ARL15: variants seen among roughly 807,000 people sequenced by gnomAD.
The protein encoded by ARL15 is ADP-ribosylation factor-like protein 15.
Under a neutral mutation model 25.2 loss-of-function variants are expected in ARL15, and 19 were observed. That is an observed-to-expected ratio of 0.75 (90% confidence interval 0.53 to 1.10). The LOEUF (loss-of-function observed/expected upper bound fraction) is 1.10, where lower values mean the gene tolerates loss of function less well. Ranked by LOEUF, ARL15 falls within the 50% of genes least tolerant of loss-of-function variation. The pLI, the probability that ARL15 is intolerant of heterozygous loss-of-function variation, is 0.00. For missense variants in ARL15, 220 were observed against 246.0 expected (o/e 0.89, Z 0.71); for synonymous variants, 94 against 86.8 (o/e 1.08, Z -0.46).
intron 4 of ARL15, among the ~76,000 whole-genome samples, chr5:54,013,782 G>T (rs1021870082): frequency 2.0e-5 from 3 of 152,124 alleles, no homozygotes; most frequent in Non-Finnish European, 4.4e-5. Flanking sequence ...GCACACAAGG[G>T]CTGTTCTCCA....
rs10560131 is a variant in ARL15 at position 54,244,799 on chromosome 5, T to TA, written c.48+65632dup. On this transcript the variant is annotated intron_variant, in intron 1 of 4. Coordinates refer to ENST00000504924, the MANE Select transcript of ARL15 (RefSeq NM_019087.3). ...ACGTAAACAAAGAAAAAGGTAGCCATAAAAAAAAAAAACATCAGAAGGTTA... is the reference window on the plus strand; with the variant it reads ...ACGTAAACAAAGAAAAAGGTAGCCATAAAAAAAAAAAAACATCAGAAGGTTA... Among the ~76,000 whole-genome samples the TA allele has an allele frequency of 2.6e-3, 380 of 148,682 alleles. 2 individuals are homozygous for TA. The highest frequency in any genetic ancestry group is 7.0e-3 in the Middle Eastern group (2 of 284).
chr5:54,066,962 T>G (rs764240391), intron 4 of ARL15, among the ~76,000 whole-genome samples: 2 of 152,168 alleles, frequency 1.3e-5, no homozygotes, highest in Non-Finnish European at 2.9e-5. Context: ...AGTAGCAAAT[T>G]CCTTCTAAGT....
At chr5:54,023,487 C>T (rs911039869) in intron 4 of ARL15, among the ~76,000 whole-genome samples, 5 of 150,812 alleles carry the variant, frequency 3.3e-5, no homozygotes, top group East Asian at 3.9e-4. Context: ...TAAAGGGGTA[C>T]GACTTTATCT....
rs903604803 is a variant in ARL15, at chr5:54,210,292, G to A, written c.49-38364C>T. ...ATCAAATTATAATTTTCTTTTTCAT[G>A]AACTATATTTCTTAAGCAAGGCAAG... is the stretch of plus-strand genomic sequence containing the variant. On this transcript the variant is annotated intron_variant, in intron 1 of 4. Transcript: ENST00000504924. Among the ~76,000 whole-genome samples, 4 of 151,998 alleles carry A rather than the reference G, an allele frequency of 2.6e-5. No homozygotes were observed. The East Asian group carries it at 7.7e-4, about 29-fold the overall frequency.
intron 1 of ARL15, among the ~76,000 whole-genome samples, chr5:54,186,981 T>C (rs575321671): frequency 2.0e-5 from 3 of 152,130 alleles, no homozygotes; most frequent in African/African-American, 7.2e-5. Context: ...AAAAGGGATG[T>C]CCTCATTTTC....
intron 3 of ARL15, among the ~76,000 whole-genome samples, chr5:54,129,512 G>A (rs1039204357): frequency 2.0e-5 from 3 of 152,104 alleles, no homozygotes; most frequent in Non-Finnish European, 4.4e-5. Context: ...AAAATTAAAC[G>A]AGAAGAGATA....
chr5:54,079,946 G>A (rs757863030), intron 4 of ARL15, among the ~76,000 whole-genome samples: 37 of 146,524 alleles, frequency 2.5e-4, no homozygotes, highest in Non-Finnish European at 3.9e-4. Context: ...CTCCAGCCTC[G>A]GTGACAAGAG....
intron 4 of ARL15, among the ~76,000 whole-genome samples, chr5:53,902,142 C>T (rs1745086041): frequency 6.6e-6 from 1 of 152,210 alleles, no homozygotes; most frequent in Non-Finnish European, 1.5e-5. Context: ...TAAAAGTCTA[C>T]TCTATCTTTT....
At chr5:53,946,537 C>T (rs1746741333) in intron 4 of ARL15, among the ~76,000 whole-genome samples, 1 of 149,652 alleles carries the variant, frequency 6.7e-6, no homozygotes, top group South Asian at 2.1e-4. Flanking sequence ...CTTAAAATCG[C>T]TGTTAAAAGA....
At chr5:53,914,461 C>G (rs547205913) in intron 4 of ARL15, among the ~76,000 whole-genome samples, 1 of 152,328 alleles carries the variant, frequency 6.6e-6, no homozygotes, top group Admixed American at 6.5e-5. Flanking sequence ...TTCCCTTCCC[C>G]TGTCACTTCC....
chr5:54,258,740 AAC>A (rs1757428066), intron 1 of ARL15, among the ~76,000 whole-genome samples: 2 of 152,230 alleles, frequency 1.3e-5, no homozygotes, highest in South Asian at 4.1e-4. Flanking sequence ...TGAAATGAAA[AAC>A]AGATTCTCCC....
chr5:54,057,855 G>A (rs1275243555), intron 4 of ARL15, among the ~76,000 whole-genome samples: 2 of 151,998 alleles, frequency 1.3e-5, no homozygotes, highest in African/African-American at 4.8e-5. Context: ...CTCTGACCCT[G>A]CCTAATGAAT....
chr5:54,104,635 T>C (rs960971048), intron 4 of ARL15, among the ~76,000 whole-genome samples: 2 of 152,158 alleles, frequency 1.3e-5, no homozygotes, highest in Non-Finnish European at 2.9e-5. Context: ...TTTCTTCCCA[T>C]ATTATGCCCT....
At chr5:53,987,016 C>G (rs1748319638) in intron 4 of ARL15, among the ~76,000 whole-genome samples, 1 of 152,078 alleles carries the variant, frequency 6.6e-6, no homozygotes, top group Non-Finnish European at 1.5e-5. Flanking sequence ...GCTGGAATGG[C>G]CAAGTCTTCA....
At chr5:54,082,555 A>G (rs1751835926) in intron 4 of ARL15, among the ~76,000 whole-genome samples, 1 of 152,206 alleles carries the variant, frequency 6.6e-6, no homozygotes, top group South Asian at 2.1e-4. Flanking sequence ...TGCAAGTTGA[A>G]TATGTTCTAT....
intron 1 of ARL15, among the ~76,000 whole-genome samples, chr5:54,193,613 C>T (rs926428961): frequency 6.6e-6 from 1 of 152,208 alleles, no homozygotes; most frequent in South Asian, 2.1e-4. Flanking sequence ...TGAATCCATC[C>T]CCTCCACCCC....
At chr5:53,899,777 A>G (rs1745003547) in intron 4 of ARL15, among the ~76,000 whole-genome samples, 1 of 152,194 alleles carries the variant, frequency 6.6e-6, no homozygotes, top group South Asian at 2.1e-4. Flanking sequence ...TTGTTTCTGT[A>G]TTCACAAGAG....
intron 4 of ARL15, among the ~76,000 whole-genome samples, chr5:54,027,752 C>G (rs1749828081): frequency 6.6e-6 from 1 of 152,042 alleles, no homozygotes; most frequent in African/African-American, 2.4e-5. Flanking sequence ...TCCATGGGAC[C>G]TATTATTTAA....
At chr5:54,002,608 T>C (rs528963023) in intron 4 of ARL15, among the ~76,000 whole-genome samples, 2 of 152,192 alleles carry the variant, frequency 1.3e-5, no homozygotes, top group East Asian at 3.9e-4. Flanking sequence ...TGCCAAAAAA[T>C]AGGATTTGGA....
Sources: allele counts gnomAD v4.1 joint callset (sites outside exome capture counted in the v4.1 genomes callset), GRCh38; gene constraint gnomAD v4.1.1; transcripts MANE v1.5; gene names NCBI Gene and HGNC (gene_info 2026-07-23, HGNC 2026-07-21).